The following CCND3 variants were observed in gnomAD, a reference collection of about 807,000 sequenced individuals.
The protein encoded by CCND3 is G1/S-specific cyclin-D3.
CCND3 carries 9 observed loss-of-function variants against 28.7 expected under a neutral mutation model. The observed-to-expected ratio is 0.31, with a 90% CI of 0.19 to 0.55. The LOEUF (loss-of-function observed/expected upper bound fraction) is 0.55, where lower values mean the gene tolerates loss of function less well. CCND3 is among the 20% of genes least tolerant of loss of function. The probability of loss-of-function intolerance (pLI) is 0.93; values close to 1 mark genes in which losing one functional copy is unlikely to be tolerated. For synonymous variants in CCND3, 164 were observed against 163.9 expected (o/e 1.00, Z 0.00); for missense variants, 315 against 385.8 (o/e 0.82, Z 1.54).
intron 1 of CCND3, among the ~76,000 whole-genome samples, chr6:41,986,305 T>C (rs1762478749): frequency 6.6e-6 from 1 of 152,068 alleles, no homozygotes; most frequent in Non-Finnish European, 1.5e-5. Flanking sequence ...TTTTTTCTAT[T>C]TCTGTAAAAA....
chr6:41,981,452 T>C (rs6937656), intron 1 of CCND3, among the ~76,000 whole-genome samples: 150,653 of 152,100 alleles, frequency 0.99, 74,621 homozygotes, highest in Middle Eastern at 1. Context: ...ATCCACCTGC[T>C]TCGGCCTCTG....
chr6:42,048,394 G>A lies in CCND3; in HGVS notation c.-46+107C>T, dbSNP rs144555274. The A allele has an allele frequency of 1.0e-3, 360 of 348,440 alleles. 2 individuals carry two copies. Among genetic ancestry groups the A allele is most frequent in the African/African-American group, 6.9e-3 (319 of 46,272 alleles). 21.6% of individuals were successfully genotyped at this position (348,440 alleles called of 1,614,324 possible). A position where few individuals can be genotyped will look rare whatever the true frequency, so the allele number is the denominator to read the frequency against. ...CTTTCGGTGCCAACTAGGAAGTGAT[G>A]AGGATGCGGCGACCCCATTGACCCA... is the stretch of plus-strand genomic sequence containing the variant. On this transcript the variant is annotated intron_variant, in intron 1 of 4. Coordinates refer to the CCND3 transcript ENST00000372988. The surrounding 1 kb of genome is among the most constrained non-coding windows in gnomAD (Gnocchi z 4.7).
At chr6:41,956,291 CAAAAAAAATA>C (rs1776434476) in intron 1 of CCND3, among the ~76,000 whole-genome samples, 1 of 151,002 alleles carries the variant, frequency 6.6e-6, no homozygotes, top group Non-Finnish European at 1.5e-5. Context: ...GACTCCTTCT[CAAAAAAAATA>C]AAATAAAATA....
chr6:41,953,427 T>A (rs1362708889), intron 1 of CCND3, among the ~76,000 whole-genome samples: 1 of 152,020 alleles, frequency 6.6e-6, no homozygotes, highest in African/African-American at 2.4e-5. Flanking sequence ...ACTTAGAGGG[T>A]GGCTCTAGGA....
At chr6:41,987,517 C>CTGTGTG (rs139188810) in intron 1 of CCND3, among the ~76,000 whole-genome samples, 6 of 60,302 alleles carry the variant, frequency 9.9e-5, no homozygotes, top group African/African-American at 5.4e-4. Flanking sequence ...CTCTCTCTCT[C>CTGTGTG]TGTGTGTGTG....
chr6:42,043,573 G>A (rs12202319), intron 1 of CCND3, among the ~76,000 whole-genome samples: 2 of 151,832 alleles, frequency 1.3e-5, no homozygotes, highest in Non-Finnish European at 2.9e-5. Context: ...GGCGCCACGC[G>A]TGTTGTCCCA....
chr6:42,017,968 G>C (rs1399610740), intron 1 of CCND3, among the ~76,000 whole-genome samples: 1 of 151,880 alleles, frequency 6.6e-6, no homozygotes, highest in Non-Finnish European at 1.5e-5. Flanking sequence ...GGCCACCCTG[G>C]TGAAACCCCA....
Position 41,935,640 on chromosome 6 carries a change from T to C in CCND3, c.*300A>G, listed in dbSNP as rs1257440424. The C allele has an allele frequency of 1.5e-5, 7 of 467,272 alleles. No homozygotes were observed. Among genetic ancestry groups the C allele is most frequent in the Admixed American group, 3.4e-5 (1 of 29,828 alleles). 28.9% of individuals were successfully genotyped at this position (467,272 alleles called of 1,614,324 possible). A position where few individuals can be genotyped will look rare whatever the true frequency, so the allele number is the denominator to read the frequency against. On this transcript the variant is annotated 3_prime_UTR_variant, in exon 5 of 5. Coordinates refer to ENST00000372991, the MANE Select transcript of CCND3 (RefSeq NM_001760.5). ...GGTGGGGGGGGGCGTTCAAAAGGAA[T>C]GCTGGTGTATGTATCCAATTCTGTC...
intron 1 of CCND3, among the ~76,000 whole-genome samples, chr6:41,964,087 A>C (rs1450791564): frequency 6.6e-6 from 1 of 152,224 alleles, no homozygotes; most frequent in African/African-American, 2.4e-5. Context: ...AGAGTTGTGA[A>C]GATGTTTTGA....
chr6:41,952,993 G>T (rs953987130), intron 1 of CCND3, among the ~76,000 whole-genome samples: 3 of 152,104 alleles, frequency 2.0e-5, no homozygotes, highest in African/African-American at 7.2e-5. Flanking sequence ...TGCAAAACAG[G>T]GGGTGCAGTG....
chr6:42,018,191 CTTTA>C (rs1763582707), intron 1 of CCND3, among the ~76,000 whole-genome samples: 3 of 151,644 alleles, frequency 2.0e-5, no homozygotes, highest in African/African-American at 4.8e-5. Flanking sequence ...CCTGAGAAGC[CTTTA>C]TTTGTTTGTT....
Position 41,951,575 on chromosome 6 carries a change from C to CA in CCND3, c.-45-10991dup, listed in dbSNP as rs58855970. Reference sequence around the variant, plus strand: ...ACACACACACACACACACACACACACAAAAAAAAAGATTAAGTGGGAGTAA... The same window carrying CA: ...ACACACACACACACACACACACACACAAAAAAAAAAGATTAAGTGGGAGTAA... On this transcript the variant is annotated intron_variant, in intron 1 of 4. Coordinates refer to the CCND3 transcript ENST00000372988. Among the ~76,000 whole-genome samples, 120 of 70,184 alleles carry CA rather than the reference C, an allele frequency of 1.7e-3. 5 individuals are homozygous for CA. Among genetic ancestry groups the CA allele is most frequent in the Non-Finnish European group, 2.6e-3 (98 of 38,262 alleles). 46.0% of individuals were successfully genotyped at this position (70,184 alleles called of 152,430 possible).
intron 1 of CCND3, among the ~76,000 whole-genome samples, chr6:41,948,236 TTTGC>T (rs1371795142): frequency 2.0e-5 from 3 of 152,174 alleles, no homozygotes; most frequent in African/African-American, 7.2e-5. Flanking sequence ...TAGCATATAC[TTTGC>T]TTGCATATTC....
chr6:42,029,585 C>G (rs140333591), intron 1 of CCND3, among the ~76,000 whole-genome samples: 1,713 of 152,138 alleles, frequency 0.011, 9 homozygotes, highest in Non-Finnish European at 0.017. Context: ...TGCCTGTAAT[C>G]CCAGCACTTT....
At chr6:41,964,785 C>T (rs1761838827) in intron 1 of CCND3, among the ~76,000 whole-genome samples, 2 of 151,990 alleles carry the variant, frequency 1.3e-5, no homozygotes, top group African/African-American at 4.8e-5. Context: ...GAGTGCTAAG[C>T]ATTAAGGTTT....
upstream of CCND3, among the ~76,000 whole-genome samples, chr6:41,943,219 T>G (rs1224890233): frequency 6.6e-6 from 1 of 152,210 alleles, no homozygotes; most frequent in Non-Finnish European, 1.5e-5. Context: ...TAAAATATTC[T>G]TTTACATTGT....
chr6:42,039,012 T>C lies in CCND3; in HGVS notation c.-46+9489A>G, dbSNP rs115808640. Among the ~76,000 whole-genome samples the C allele has an allele frequency of 6.7e-3, 1,025 of 152,266 alleles. 14 individuals are homozygous for C. Among genetic ancestry groups the C allele is most frequent in the African/African-American group, 0.023 (962 of 41,554 alleles). On this transcript the variant is annotated intron_variant, in intron 1 of 4. Coordinates refer to the CCND3 transcript ENST00000372988. ...GCATATTTAACGGTCATAAATTCAG[T>C]TATATCTACTGGAAGAGACACCAAC...
At chr6:42,011,851 T>C (rs1023482740) in intron 1 of CCND3, among the ~76,000 whole-genome samples, 1 of 152,082 alleles carries the variant, frequency 6.6e-6, no homozygotes, top group African/African-American at 2.4e-5. Context: ...TACAGAAACC[T>C]GCAAAGACTC....
rs1333579421 is a variant in CCND3 at position 41,988,875 on chromosome 6, A to T, written c.-45-48290T>A. ...CACCGCGCCCAGCTAATTTTTTTGTATTTTTAGCAGAGACGGGGTTTCACT... is the reference window on the plus strand; with the variant it reads ...CACCGCGCCCAGCTAATTTTTTTGTTTTTTTAGCAGAGACGGGGTTTCACT... On this transcript the variant is annotated intron_variant, in intron 1 of 4. Transcript: ENST00000372988. Among the ~76,000 whole-genome samples the T allele has an allele frequency of 2.0e-5, 3 of 150,550 alleles. No homozygotes were observed. The East Asian group carries it at 5.9e-4, about 30-fold the overall frequency.
Sources: gnomAD v4.1 joint callset for allele counts (sites outside exome capture counted in the v4.1 genomes callset) on GRCh38, gnomAD v4.1.1 for gene constraint, Gnocchi (gnomAD v3.1) non-coding constraint, MANE v1.5 for transcripts, NCBI Gene and HGNC (gene_info 2026-07-23, HGNC 2026-07-21) for gene names.